Variants in GPHN observed in about 807,000 individuals in gnomAD.
GPHN encodes gephyrin.
In GPHN, 17 loss-of-function variants were observed where a neutral mutation model predicts 95.5. The observed-to-expected ratio is 0.18, with a 90% CI of 0.12 to 0.27. GPHN has a LOEUF of 0.27. Ranked by LOEUF, GPHN falls within the 10% of genes least tolerant of loss-of-function variation. GPHN has a pLI of 1.00. For synonymous variants in GPHN, 320 were observed against 322.5 expected (o/e 0.99, Z 0.08); for missense variants, 660 against 978.1 (o/e 0.67, Z 4.34).
chr14:66,928,141 C>G (rs1341983799), intron 8 of GPHN, among the ~76,000 whole-genome samples: 2 of 152,098 alleles, frequency 1.3e-5, no homozygotes, highest in Non-Finnish European at 2.9e-5. Flanking sequence ...ATTTTGTAGA[C>G]TTCAGCAGTG....
the GPHN span, among the ~76,000 whole-genome samples, chr14:67,511,362 C>CA: frequency 3.1e-4 from 40 of 128,542 alleles, no homozygotes; most frequent in African/African-American, 7.0e-4. Context: ...AACAAAAAAA[C>CA]AAAAAAAACT....
intron 1 of GPHN, among the ~76,000 whole-genome samples, chr14:66,639,672 G>T (rs902172521): frequency 2.0e-5 from 3 of 151,008 alleles, no homozygotes; most frequent in Admixed American, 6.6e-5. Context: ...TTTAAAGTTT[G>T]GCAAATAAAA....
At chr14:66,582,932 T>C (rs1327332419) in intron 1 of GPHN, among the ~76,000 whole-genome samples, 1 of 152,222 alleles carries the variant, frequency 6.6e-6, no homozygotes, top group Admixed American at 6.5e-5. Context: ...ATGGTATTTC[T>C]AGTTCTAAAT....
chr14:67,418,006 A>G, the GPHN span, among the ~76,000 whole-genome samples: 13 of 152,262 alleles, frequency 8.5e-5, no homozygotes, highest in East Asian at 2.5e-3. Context: ...TTGGTTTCCC[A>G]AAGTGCTGGG....
the GPHN span, chr14:67,395,250 A>G: frequency 1.6e-6 from 1 of 642,848 alleles, no homozygotes; most frequent in Non-Finnish European, 2.7e-6. Flanking sequence ...AATAATATAC[A>G]CAGGACAGGA....
chr14:66,675,757 T>C (rs2066550507), intron 1 of GPHN, among the ~76,000 whole-genome samples: 1 of 152,202 alleles, frequency 6.6e-6, no homozygotes, highest in South Asian at 2.1e-4. Context: ...CAGGTTTAAA[T>C]CTTTAATCCA....
At chr14:67,214,908 A>G in the GPHN span, among the ~76,000 whole-genome samples, 12 of 151,894 alleles carry the variant, frequency 7.9e-5, no homozygotes, top group African/African-American at 2.9e-4. Flanking sequence ...ATTCCTAGGT[A>G]TTTTATTCCC....
intron 1 of GPHN, among the ~76,000 whole-genome samples, chr14:66,606,787 A>G (rs774214981): frequency 3.3e-5 from 5 of 152,030 alleles, no homozygotes; most frequent in African/African-American, 7.2e-5. Context: ...TAGAAGTGCT[A>G]TTGATTTTTG....
intron 8 of GPHN, among the ~76,000 whole-genome samples, chr14:66,936,388 A>G (rs2153569891): frequency 6.6e-6 from 1 of 152,150 alleles, no homozygotes; most frequent in East Asian, 1.9e-4. Context: ...AAAAAAAAAG[A>G]AAGAGAAAGA....
the GPHN span, among the ~76,000 whole-genome samples, chr14:67,191,927 A>T: frequency 6.6e-6 from 1 of 152,266 alleles, no homozygotes; most frequent in Non-Finnish European, 1.5e-5. Context: ...AACCTAATGT[A>T]GCTGTCTGCT....
chr14:67,520,127 A>T, the GPHN span, among the ~76,000 whole-genome samples: 2 of 152,216 alleles, frequency 1.3e-5, no homozygotes, highest in African/African-American at 4.8e-5. Context: ...ACTTCCCATT[A>T]TCAGAATCCC....
chr14:67,578,441 G>C, the GPHN span: 2 of 974,036 alleles, frequency 2.1e-6, no homozygotes, highest in African/African-American at 1.6e-5. This position sits in a 1 kb window ranked among gnomAD's most constrained non-coding sequence, Gnocchi z 5.0. Context: ...CTGGTTTGGG[G>C]AAAGAGTGCT....
At chr14:67,341,734 G>A in the GPHN span, among the ~76,000 whole-genome samples, 2,966 of 152,368 alleles carry the variant, frequency 0.019, 38 homozygotes, top group Middle Eastern at 0.034. Flanking sequence ...CGGTTTTGTG[G>A]AATAGAAAAG....
At chr14:66,783,162 G>A (rs2059664521) in intron 3 of GPHN, among the ~76,000 whole-genome samples, 1 of 152,140 alleles carries the variant, frequency 6.6e-6, no homozygotes, top group Non-Finnish European at 1.5e-5. Context: ...AGCACCAATG[G>A]AAAAACTGTT....
chr14:67,438,502 C>T, the GPHN span, among the ~76,000 whole-genome samples: 2 of 152,198 alleles, frequency 1.3e-5, no homozygotes, highest in African/African-American at 2.4e-5. Context: ...CCTCTCTAAA[C>T]TACAGTTATA....
chr14:67,165,301 C>T (rs1340929322), intron 20 of GPHN, 75 bp downstream of exon 20: 1 of 905,826 alleles, frequency 1.1e-6, no homozygotes, highest in African/African-American at 1.6e-5. Context: ...CATGTGACCA[C>T]CTGGTTTGAA....
chr14:67,542,082 T>A, the GPHN span: 1 of 1,245,190 alleles, frequency 8.0e-7, no homozygotes, highest in East Asian at 2.7e-5. Flanking sequence ...TTGCGGAAAG[T>A]CAACTTTCAG....
At chr14:67,492,673 G>T in the GPHN span, among the ~76,000 whole-genome samples, 2 of 152,248 alleles carry the variant, frequency 1.3e-5, no homozygotes, top group African/African-American at 4.8e-5. Flanking sequence ...TGTGACAACA[G>T]GACTCCGCTT....
chr14:66,730,896 T>A (rs571642479), intron 2 of GPHN, among the ~76,000 whole-genome samples: 2 of 152,344 alleles, frequency 1.3e-5, no homozygotes, highest in East Asian at 3.9e-4. Context: ...GTAATCCCCA[T>A]GTGTCAAGGG....
Sources: gnomAD v4.1 joint callset for allele counts (sites outside exome capture counted in the v4.1 genomes callset) on GRCh38, gnomAD v4.1.1 for gene constraint, Gnocchi (gnomAD v3.1) non-coding constraint, MANE v1.5 for transcripts, NCBI Gene and HGNC (gene_info 2026-07-23, HGNC 2026-07-21) for gene names.